The following ITPR2 variants were observed in gnomAD, a reference collection of about 807,000 sequenced individuals.
ITPR2 encodes the protein inositol 1,4,5-trisphosphate-gated calcium channel ITPR2.
A neutral mutation model predicts 317.1 loss-of-function variants in ITPR2; 207 were observed. The ratio of observed to expected loss-of-function variants is 0.65; its 90% CI spans 0.58 to 0.73. The LOEUF is 0.73. ITPR2 is among the 30% of genes least tolerant of loss of function. The probability of loss-of-function intolerance (pLI) is 0.00; values close to 1 mark genes in which losing one functional copy is unlikely to be tolerated. For synonymous variants in ITPR2, 1,156 were observed against 1,149.1 expected (o/e 1.01, Z -0.12); for missense variants, 2,613 against 3,284.0 (o/e 0.80, Z 4.99).
chr12:26,823,873 T>C (rs1416405660), intron 1 of ITPR2, among the ~76,000 whole-genome samples: 2 of 152,148 alleles, frequency 1.3e-5, no homozygotes, highest in Non-Finnish European at 2.9e-5. Flanking sequence ...ACTAACACTA[T>C]AGAAGTTGAC....
chr12:26,730,202 C>A (rs979071472), intron 2 of ITPR2, among the ~76,000 whole-genome samples: 1 of 152,090 alleles, frequency 6.6e-6, no homozygotes, highest in South Asian at 2.1e-4. Flanking sequence ...ATCTTCATTA[C>A]CATGTAATAT....
At chr12:26,797,177 AAAC>A (rs1950461120) in intron 1 of ITPR2, among the ~76,000 whole-genome samples, 1 of 152,228 alleles carries the variant, frequency 6.6e-6, no homozygotes, top group Admixed American at 6.5e-5. Context: ...GCGAATCCAA[AAAC>A]AACAAATGTT....
At chr12:26,568,443 T>C (rs967174887) in intron 34 of ITPR2, among the ~76,000 whole-genome samples, 1 of 152,120 alleles carries the variant, frequency 6.6e-6, no homozygotes, top group Non-Finnish European at 1.5e-5. Flanking sequence ...ACTGTCTAAT[T>C]AGGCTTATAA....
At chr12:26,431,174 C>T (rs1941197259) in intron 48 of ITPR2, among the ~76,000 whole-genome samples, 1 of 152,158 alleles carries the variant, frequency 6.6e-6, no homozygotes, top group Non-Finnish European at 1.5e-5. Context: ...CCATGAAGAA[C>T]TCATTTTCTT....
chr12:26,715,728 A>G, intron 7 of ITPR2, 24 bp downstream of exon 7: 1 of 1,402,454 alleles, frequency 7.1e-7, no homozygotes, highest in Non-Finnish European at 1.0e-6. Flanking sequence ...CTCCCAGCAA[A>G]TGTCCTGTGT....
chr12:26,462,676 T>TC (rs953204258), intron 45 of ITPR2, among the ~76,000 whole-genome samples: 14 of 150,806 alleles, frequency 9.3e-5, no homozygotes, highest in Non-Finnish European at 1.8e-4. Flanking sequence ...TTTCTTTCTT[T>TC]TTTTTTTTTT....
At chr12:26,761,278 C>T (rs1030011920) in intron 2 of ITPR2, among the ~76,000 whole-genome samples, 6 of 152,188 alleles carry the variant, frequency 3.9e-5, no homozygotes, top group Non-Finnish European at 5.9e-5. Flanking sequence ...AATCTCTGGA[C>T]GGGCTGATTG....
intron 45 of ITPR2, among the ~76,000 whole-genome samples, chr12:26,446,714 G>C (rs993029895): frequency 8.5e-6 from 1 of 118,320 alleles, no homozygotes; most frequent in Non-Finnish European, 1.7e-5. Context: ...GCAGAGAAGA[G>C]GCATTCTAAA....
At chr12:26,521,522 CA>C (rs1386755485) in intron 37 of ITPR2, among the ~76,000 whole-genome samples, 1 of 152,126 alleles carries the variant, frequency 6.6e-6, no homozygotes, top group Non-Finnish European at 1.5e-5. Context: ...CGAGTCTTTC[CA>C]AAGCTTCAGC....
chr12:26,411,414 T>A lies in ITPR2; in HGVS notation c.7307-2A>T. ...TCATAGTAGGCACTTGATGACTGCC[T>A]AAGAAAATACAAAGTAGTATATAAT... On this transcript the variant is annotated splice_acceptor_variant, in intron 51 of 56. Transcript: ENST00000381340. LOFTEE classifies it high-confidence loss of function. 6.2e-7 allele frequency: 1 copy of A among 1,600,400 alleles called. No homozygotes were observed.
At chr12:26,733,095 G>T (rs1008875644) in intron 2 of ITPR2, among the ~76,000 whole-genome samples, 2 of 151,424 alleles carry the variant, frequency 1.3e-5, no homozygotes, top group Non-Finnish European at 2.9e-5. Flanking sequence ...ACTTTGGGAG[G>T]CTGGGGTCAG....
intron 2 of ITPR2, among the ~76,000 whole-genome samples, chr12:26,745,050 G>A (rs1949295616): frequency 6.6e-6 from 1 of 152,190 alleles, no homozygotes; most frequent in South Asian, 2.1e-4. Flanking sequence ...TATTTCCCAG[G>A]TAGCAGCATT....
At chr12:26,456,490 T>C (rs1043888453) in intron 45 of ITPR2, among the ~76,000 whole-genome samples, 4 of 152,130 alleles carry the variant, frequency 2.6e-5, no homozygotes, top group Non-Finnish European at 5.9e-5. Flanking sequence ...AATCAAGAAA[T>C]AACCATAAAA....
intron 5 of ITPR2, among the ~76,000 whole-genome samples, chr12:26,721,913 A>G (rs1565717680): frequency 6.6e-6 from 1 of 152,256 alleles, no homozygotes; most frequent in South Asian, 2.1e-4. Context: ...GTTGTCATCA[A>G]TGAGCAGATG....
Position 26,374,071 on chromosome 12 carries a change from G to A in ITPR2, c.7857+13363C>T, listed in dbSNP as rs573482212. On this transcript the variant is annotated intron_variant, in intron 55 of 56. Coordinates refer to ENST00000381340, the MANE Select transcript of ITPR2 (RefSeq NM_002223.4). ...CCTCATGTCCTCTCTGCGGCACTCCGGATGGTGTCATACCACACCTCTTTG... is the reference window on the plus strand; with the variant it reads ...CCTCATGTCCTCTCTGCGGCACTCCAGATGGTGTCATACCACACCTCTTTG... Among the ~76,000 whole-genome samples, 7 of 152,260 alleles carry A rather than the reference G, an allele frequency of 4.6e-5. 1 individual carries two copies. The highest frequency in any genetic ancestry group is 1.0e-4 in the Non-Finnish European group (7 of 68,012).
In ITPR2 at chr12:26,782,033, TGTATAGAG is replaced by T. The variant is rs1411376257; in HGVS notation, c.163+8116_163+8123del. ...ATATATATATATATATATATATATA[TGTATAGAG>T]AGAGAGAGAGAGAGAGAGAGAGAGA... On this transcript the variant is annotated intron_variant, in intron 2 of 56. Coordinates refer to ENST00000381340, the MANE Select transcript of ITPR2 (RefSeq NM_002223.4). 6.8e-3 allele frequency among the ~76,000 whole-genome samples: 122 copies of T among 18,022 alleles called. 2 individuals are homozygous for T. Among genetic ancestry groups the T allele is most frequent in the Non-Finnish European group, 0.011 (98 of 8,976 alleles). 11.8% of individuals were successfully genotyped at this position (18,022 alleles called of 152,430 possible).
intron 42 of ITPR2, 133 bp from the exon 43 acceptor site, chr12:26,481,374 T>C: frequency 1.7e-6 from 1 of 584,694 alleles, no homozygotes; most frequent in Non-Finnish European, 3.0e-6. Flanking sequence ...CTTTGAGCAT[T>C]TGACTTATTC....
chr12:26,620,242 G>A (rs1274569305), intron 26 of ITPR2, among the ~76,000 whole-genome samples: 1 of 152,236 alleles, frequency 6.6e-6, no homozygotes, highest in Non-Finnish European at 1.5e-5. Flanking sequence ...AATCCCAGTA[G>A]ACGTCAGTGT....
Position 26,792,256 on chromosome 12 carries a change from T to G in ITPR2, c.93-2029A>C, listed in dbSNP as rs1287882572. 3.3e-5 allele frequency among the ~76,000 whole-genome samples: 5 copies of G among 152,024 alleles called. No individual in the cohort carries two copies. The East Asian group carries it at 9.7e-4, about 29-fold the overall frequency. ...AAGGCAGTCATTTCATCCTGAAGAC[T>G]TAAAGAATTGGAACTGAATTTGAAG... On this transcript the variant is annotated intron_variant, in intron 1 of 56. Transcript: ENST00000381340.
Sources: gnomAD v4.1 joint callset for allele counts (sites outside exome capture counted in the v4.1 genomes callset) on GRCh38, gnomAD v4.1.1 for gene constraint, MANE v1.5 for transcripts, NCBI Gene and HGNC (gene_info 2026-07-23, HGNC 2026-07-21) for gene names.